Variants in EXOC3L2 observed in about 807,000 individuals in gnomAD.
The protein encoded by EXOC3L2 is exocyst complex component 3 like 2.
Under a neutral mutation model 44.4 loss-of-function variants are expected in EXOC3L2, and 17 were observed. That is an observed-to-expected ratio of 0.38 (90% CI 0.26 to 0.57). EXOC3L2 has a LOEUF of 0.57. Among genes scored for constraint, EXOC3L2 ranks in the 20% least tolerant of loss-of-function variants. The pLI, the probability that EXOC3L2 is intolerant of heterozygous loss-of-function variation, is 0.65. For missense variants in EXOC3L2, 541 were observed against 588.4 expected, an observed-to-expected ratio of 0.92 and a Z score of 0.83; for synonymous variants, 256 against 253.7, an observed-to-expected ratio of 1.01 and a Z score of -0.09.
chr19:45,226,072 G>C (rs926175897), intron 7 of EXOC3L2, among the ~76,000 whole-genome samples: 1 of 152,164 alleles, frequency 6.6e-6, no homozygotes, highest in African/African-American at 2.4e-5. Flanking sequence ...GGATTCCACT[G>C]CTTAGCTGTC....
At chr19:45,229,318 A>C (rs548939924) in intron 4 of EXOC3L2, among the ~76,000 whole-genome samples, 1 of 144,612 alleles carries the variant, frequency 6.9e-6, no homozygotes, top group South Asian at 2.1e-4. Flanking sequence ...TTATGTATTA[A>C]ATATATACAT....
chr19:45,244,200 C>T (rs1970151930), intron 1 of EXOC3L2, among the ~76,000 whole-genome samples: 1 of 152,088 alleles, frequency 6.6e-6, no homozygotes, highest in Non-Finnish European at 1.5e-5. Context: ...GGATTACAGT[C>T]ATGAGCCACC....
chr19:45,236,465 C>CAAAAAAAA (rs34024056), intron 2 of EXOC3L2, among the ~76,000 whole-genome samples: 6 of 44,994 alleles, frequency 1.3e-4, no homozygotes, highest in Admixed American at 3.4e-4. Context: ...GACTCCATCT[C>CAAAAAAAA]AAAAAAAAAA....
chr19:45,213,119 G>T lies in EXOC3L2; in HGVS notation c.2359C>A (p.Leu787Met). 6.4e-7 allele frequency: 1 copy of T among 1,558,136 alleles called. No individual in the cohort carries two copies. Among genetic ancestry groups the T allele is most frequent in the Admixed American group, 2.1e-5 (1 of 47,064 alleles). ...SRLARPSLACLPRPRPPSLAR... is the reference protein window; with the variant it reads ...SRLARPSLACMPRPRPPSLAR... ...AGAGACGGAGGCCGGGGCCGAGGCA[G>T]ACAGGCCAAACTGGGCCTGGCCAGC... is the stretch of plus-strand genomic sequence containing the variant. Residue 787 changes from leucine (L) to methionine (M), a missense_variant, in exon 12 of 12, where the codon CTG becomes ATG. Leu to Met is a conservative substitution (Grantham distance 15). Coordinates refer to ENST00000413988, the MANE Select transcript of EXOC3L2 (RefSeq NM_001382422.1).
chr19:45,230,537 G>T (rs1970020195), intron 4 of EXOC3L2, among the ~76,000 whole-genome samples: 1 of 151,780 alleles, frequency 6.6e-6, no homozygotes, highest in Non-Finnish European at 1.5e-5. Context: ...TTAAAACAGA[G>T]ACAGTCTTGC....
Position 45,227,721 on chromosome 19 carries a change from C to T in EXOC3L2, c.1524G>A (p.Met508Ile). ...RFHENPAVRE[M>I]LPDTYISKTI... The stretch of plus-strand genomic sequence containing the variant: ...TCTTGCTGATATAGGTGTCAGGTAG[C>T]ATCTCCCGGACTGCTGGGTTCTCAT... The change falls in exon 7 of 12, where the codon ATG (methionine) becomes ATA (isoleucine). Residue 508 changes from methionine (M) to isoleucine (I), a missense_variant. Coordinates refer to ENST00000413988, the MANE Select transcript of EXOC3L2 (RefSeq NM_001382422.1). The T allele has an allele frequency of 1.2e-6, 2 of 1,613,196 alleles. No homozygotes were observed. Among genetic ancestry groups the T allele is most frequent in the Non-Finnish European group, 8.5e-7 (1 of 1,179,860 alleles).
Position 45,234,733 on chromosome 19 carries a change from C to G in EXOC3L2, c.617G>C (p.Arg206Thr). 2.5e-6 allele frequency: 1 copy of G among 394,326 alleles called. No individual in the cohort carries two copies. Among genetic ancestry groups the G allele is most frequent in the Non-Finnish European group, 4.5e-6 (1 of 223,266 alleles). 24.4% of individuals were successfully genotyped at this position (394,326 alleles called of 1,614,324 possible). The change falls in exon 3 of 12, where the codon AGG becomes ACG. Residue 206 changes from arginine (R) to threonine (T), a missense_variant. Physicochemically the swap from Arg to Thr is moderately conservative, Grantham distance 71 (BLOSUM62 -1). Transcript: ENST00000413988. The surrounding 1 kb of genome is among the most constrained non-coding windows in gnomAD (Gnocchi z 5.0). ...CTTGGGAGGCCCAGGCGCGCCGCCCCTCGACGGCGCCAGCTCCTCGGCCTC... is the reference window on the plus strand; with the variant it reads ...CTTGGGAGGCCCAGGCGCGCCGCCCGTCGACGGCGCCAGCTCCTCGGCCTC... ...ELEAEELAPS[R>T]GGAPGPPKAE...
chr19:45,219,207 C>T lies in EXOC3L2; in HGVS notation c.1720-888G>A, dbSNP rs549783976. Among the ~76,000 whole-genome samples, 6 of 151,684 alleles carry T rather than the reference C, an allele frequency of 4.0e-5. 1 individual carries two copies. Among genetic ancestry groups the T allele is most frequent in the African/African-American group, 1.2e-4 (5 of 41,328 alleles). ...CAGCCTGGGCGACAGAGTAAGACTCCGTCTCAAAAATAAGTAAATCAATTA... is the reference window on the plus strand; with the variant it reads ...CAGCCTGGGCGACAGAGTAAGACTCTGTCTCAAAAATAAGTAAATCAATTA... On this transcript the variant is annotated intron_variant, in intron 8 of 11. Transcript: ENST00000413988.
At chr19:45,235,874 C>T (rs1193092745) in intron 2 of EXOC3L2, among the ~76,000 whole-genome samples, 1 of 152,136 alleles carries the variant, frequency 6.6e-6, no homozygotes, top group Non-Finnish European at 1.5e-5. Context: ...GTCCCCAGCC[C>T]TGGAGCAGTT....
chr19:45,236,840 T>G (rs922428643), intron 2 of EXOC3L2, among the ~76,000 whole-genome samples: 6 of 150,366 alleles, frequency 4.0e-5, no homozygotes, highest in Non-Finnish European at 8.9e-5. Context: ...CTACAAAAAA[T>G]ACAAAAAAAA....
intron 7 of EXOC3L2, among the ~76,000 whole-genome samples, chr19:45,226,690 C>A (rs10424245): frequency 0.084 from 12,616 of 150,702 alleles, 703 homozygotes; most frequent in African/African-American, 0.16. Context: ...CTCGCCTCGG[C>A]CTCCCAAAGT....
At position 45,234,955 on chromosome 19, in the gene EXOC3L2, G is replaced by A. The variant is rs757311156; in HGVS notation, c.524-129C>T. ...GGGTTACAGGAGGCGGGAAAGTGTG[G>A]GGGCAGAGAAGAGCCCGGAGAAGAG... On this transcript the variant is annotated intron_variant, in intron 2 of 11. Transcript: ENST00000413988. This position sits in a 1 kb window ranked among gnomAD's most constrained non-coding sequence, Gnocchi z 5.0. The A allele has an allele frequency of 1.1e-5, 4 of 378,076 alleles. No homozygotes were observed. Among genetic ancestry groups the A allele is most frequent in the Non-Finnish European group, 1.4e-5 (3 of 212,724 alleles). The allele number at this position is 378,076 out of a possible 1,614,324, so 23.4% of individuals were successfully genotyped here. A position where few individuals can be genotyped will look rare whatever the true frequency, so the allele number is the denominator to read the frequency against.
intron 10 of EXOC3L2, chr19:45,216,916 A>G (rs535921281): frequency 6.6e-6 from 1 of 150,474 alleles, no homozygotes; most frequent in Admixed American, 6.6e-5. Flanking sequence ...CCAGCTGAAT[A>G]CAACTGGGTA....
At chr19:45,232,536 T>C (rs187564987) in intron 3 of EXOC3L2, among the ~76,000 whole-genome samples, 66 of 152,300 alleles carry the variant, frequency 4.3e-4, no homozygotes, top group Admixed American at 1.4e-3. Context: ...ATCCTGATTT[T>C]GTTGGAAGAA....
At chr19:45,223,855 G>A (rs555451418) in intron 8 of EXOC3L2, among the ~76,000 whole-genome samples, 5 of 152,038 alleles carry the variant, frequency 3.3e-5, no homozygotes, top group East Asian at 3.9e-4. Flanking sequence ...TTAGCTGGGC[G>A]TGGTGGTGCA....
intron 8 of EXOC3L2, among the ~76,000 whole-genome samples, chr19:45,221,019 C>A (rs1969890662): frequency 6.9e-6 from 1 of 145,012 alleles, no homozygotes; most frequent in Non-Finnish European, 1.5e-5. Context: ...GGCCGTGGGT[C>A]TCTCCCTGAG....
At position 45,231,901 on chromosome 19, in the gene EXOC3L2, G is replaced by T. The variant is rs1366620718; in HGVS notation, c.1158-27C>A. On this transcript the variant is annotated intron_variant, in intron 3 of 11. Coordinates refer to ENST00000413988, the MANE Select transcript of EXOC3L2 (RefSeq NM_001382422.1). ...TGGGGATGGGGGTGAGAGAAAAGGA[G>T]GTCTGTGAAAAGTGGGGCTGGGCAG... 2.6e-6 allele frequency: 4 copies of T among 1,527,416 alleles called. No individual in the cohort carries two copies. The African/African-American group carries it at 4.1e-5, about 16-fold the overall frequency. 94.6% of individuals were successfully genotyped at this position (1,527,416 alleles called of 1,614,324 possible).
intron 8 of EXOC3L2, among the ~76,000 whole-genome samples, chr19:45,221,946 G>A (rs190258943): frequency 1.1e-4 from 16 of 151,238 alleles, no homozygotes; most frequent in Middle Eastern, 3.4e-3. Flanking sequence ...CACCACGCCC[G>A]GCCAGCTCTG....
intron 4 of EXOC3L2, among the ~76,000 whole-genome samples, chr19:45,231,186 C>T (rs979383660): frequency 6.6e-6 from 1 of 152,190 alleles, no homozygotes; most frequent in Non-Finnish European, 1.5e-5. Context: ...TGACTGATTT[C>T]TGTGGCTGGA....
Sources: gnomAD v4.1 joint callset for allele counts (sites outside exome capture counted in the v4.1 genomes callset) on GRCh38, gnomAD v4.1.1 for gene constraint, Gnocchi (gnomAD v3.1) non-coding constraint, MANE v1.5 for transcripts, NCBI Gene and HGNC (gene_info 2026-07-23, HGNC 2026-07-21) for gene names.